The following NDE1 variants were observed in gnomAD, a reference collection of about 807,000 sequenced individuals.
The protein encoded by NDE1 is nudE neurodevelopment protein 1, also known as nuclear distribution protein nudE homolog 1.
NDE1 carries 28 observed loss-of-function variants against 43.4 expected under a neutral mutation model. The ratio of observed to expected loss-of-function variants is 0.65; its 90% CI spans 0.48 to 0.89. The LOEUF (loss-of-function observed/expected upper bound fraction) is 0.89. Ranked by LOEUF, NDE1 falls within the 40% of genes least tolerant of loss-of-function variation. NDE1 has a pLI of 0.00. For synonymous variants in NDE1, 184 were observed against 172.0 expected (o/e 1.07, Z -0.55); for missense variants, 441 against 434.1 (o/e 1.02, Z -0.14).
At chr16:15,719,523 C>G in intron 8 of NDE1, 1 of 1,610,368 alleles carries the variant, frequency 6.2e-7, no homozygotes, top group Non-Finnish European at 8.5e-7. Flanking sequence ...CAGACTGGAG[C>G]TGCCAAGGGG....
chr16:15,708,393 T>G (rs1368243692), intron 8 of NDE1, among the ~76,000 whole-genome samples: 1 of 152,140 alleles, frequency 6.6e-6, no homozygotes, highest in Non-Finnish European at 1.5e-5. Flanking sequence ...AGTGGAACTG[T>G]CATATTCATT....
chr16:15,697,159 C>A, intron 8 of NDE1: 1 of 717,204 alleles, frequency 1.4e-6, no homozygotes, highest in Non-Finnish European at 1.7e-6. Flanking sequence ...CCTCCCACCT[C>A]AGTCCCCCGA....
At chr16:15,697,802 T>G (rs115593014) in intron 8 of NDE1, among the ~76,000 whole-genome samples, 5,196 of 152,136 alleles carry the variant, frequency 0.034, 293 homozygotes, top group African/African-American at 0.11. Flanking sequence ...GAAGTTTTTT[T>G]TTTTGTTTTG....
At chr16:15,674,327 T>C (rs573192260) in intron 3 of NDE1, among the ~76,000 whole-genome samples, 1 of 152,068 alleles carries the variant, frequency 6.6e-6, no homozygotes, top group Non-Finnish European at 1.5e-5. Flanking sequence ...CACTGCAACC[T>C]CCGCCTCCTG....
rs1415126474 is a variant in NDE1, at chr16:15,694,209, C to G, written c.748C>G (p.Arg250Gly). The change falls in exon 7 of 9, where the codon CGG (arginine) becomes GGG (glycine). Residue 250 changes from arginine to glycine, a missense_variant. Physicochemically the swap from Arg to Gly is moderately radical, Grantham distance 125. Coordinates refer to ENST00000396354, the MANE Select transcript of NDE1 (RefSeq NM_017668.3). Reference protein sequence around the residue: ...TGGTPLTPAARISALNIVGDL... With the variant: ...TGGTPLTPAAGISALNIVGDL... ...GGGGACCCCCCTCACACCTGCGGCC[C>G]GGATATCAGCCCTCAACATTGTGGG... 3 of 1,613,458 alleles carry G rather than the reference C, an allele frequency of 1.9e-6. No individual in the cohort carries two copies. The highest frequency in any genetic ancestry group is 1.1e-5 in the South Asian group (1 of 91,042).
chr16:15,715,182 G>T lies in NDE1; in HGVS notation c.948-9009G>T. ...GGGCTACCTGCTCCTTGTACTGCTC[G>T]GCCATCTTGCGCTCGTCCTCCACCT... On this transcript the variant is annotated intron_variant, in intron 8 of 8. Transcript: ENST00000396354. 6.2e-7 allele frequency: 1 copy of T among 1,613,860 alleles called. No individual in the cohort carries two copies. Among genetic ancestry groups the T allele is most frequent in the South Asian group, 1.1e-5 (1 of 91,084 alleles).
In NDE1 at chr16:15,721,056, C is replaced by T. The variant is rs759760029; in HGVS notation, c.948-3135C>T. On this transcript the variant is annotated intron_variant, in intron 8 of 8. Transcript: ENST00000396354. ...GGACTTCTCCAGCTCATGGACCTGC[C>T]GGCAGAGCGGGCAGCCCCATTCTAT... 23 of 1,613,574 alleles carry T rather than the reference C, an allele frequency of 1.4e-5. No homozygotes were observed. Among genetic ancestry groups the T allele is most frequent in the Non-Finnish European group, 1.7e-5 (20 of 1,179,992 alleles).
chr16:15,722,678 A>T (rs1003743888), intron 8 of NDE1, among the ~76,000 whole-genome samples: 2 of 152,192 alleles, frequency 1.3e-5, no homozygotes, highest in Non-Finnish European at 2.9e-5. Context: ...TGACACTAGG[A>T]GGTCAGTCAG....
chr16:15,661,735 C>T (rs1035851590), intron 1 of NDE1, among the ~76,000 whole-genome samples: 2 of 151,746 alleles, frequency 1.3e-5, no homozygotes, highest in African/African-American at 4.8e-5. Flanking sequence ...CGAGGCACTG[C>T]ACCCAGCCAC....
At chr16:15,676,465 G>A (rs1214357317) in intron 3 of NDE1, among the ~76,000 whole-genome samples, 1 of 152,026 alleles carries the variant, frequency 6.6e-6, no homozygotes, top group African/African-American at 2.4e-5. Flanking sequence ...GCCCACCTCA[G>A]CCCTCCAAAG....
chr16:15,681,358 T>C (rs1327638237), intron 4 of NDE1, among the ~76,000 whole-genome samples: 1 of 141,080 alleles, frequency 7.1e-6, no homozygotes, highest in South Asian at 2.4e-4. Flanking sequence ...CTTGACCTCC[T>C]GGGGCAAGTG....
chr16:15,705,555 C>T (rs572550752), intron 8 of NDE1, among the ~76,000 whole-genome samples: 1 of 152,302 alleles, frequency 6.6e-6, no homozygotes, highest in African/African-American at 2.4e-5. Context: ...CCATCTGGCC[C>T]TGTTTGACCT....
chr16:15,696,396 A>T (rs2039015020), intron 7 of NDE1, among the ~76,000 whole-genome samples: 1 of 151,548 alleles, frequency 6.6e-6, no homozygotes, highest in South Asian at 2.1e-4. Context: ...CAAAAAAAAA[A>T]ACTGAGATGG....
At chr16:15,686,027 C>T (rs1416299479) in intron 4 of NDE1, among the ~76,000 whole-genome samples, 2 of 151,482 alleles carry the variant, frequency 1.3e-5, no homozygotes, top group African/African-American at 2.4e-5. Context: ...TCTTGGCTCA[C>T]TGCAACATTC....
chr16:15,683,502 G>A (rs1049122898), intron 4 of NDE1: 4 of 151,818 alleles, frequency 2.6e-5, no homozygotes, highest in African/African-American at 9.7e-5. Flanking sequence ...CCGCTACCAC[G>A]AACCGGCTAA....
At chr16:15,667,258 T>C (rs748075264) in intron 2 of NDE1, 28 bp from the exon 3 acceptor site, 19 of 1,613,264 alleles carry the variant, frequency 1.2e-5, no homozygotes, top group African/African-American at 2.7e-5. Flanking sequence ...AAAATATTAC[T>C]ACGTGATGAT....
intron 8 of NDE1, chr16:15,704,104 A>AAG: frequency 1.2e-6 from 2 of 1,614,150 alleles, no homozygotes; most frequent in Non-Finnish European, 1.7e-6. Context: ...GAAGGAACGA[A>AAG]AGAGGTCTCG....
intron 1 of NDE1, among the ~76,000 whole-genome samples, chr16:15,644,267 T>A (rs1454518225): frequency 6.6e-6 from 1 of 152,176 alleles, no homozygotes; most frequent in Non-Finnish European, 1.5e-5. Flanking sequence ...CGAGAATATT[T>A]TGCCCAAAAA....
chr16:15,699,536 G>A (rs1356169853), intron 8 of NDE1: 6 of 1,183,824 alleles, frequency 5.1e-6, no homozygotes, highest in Admixed American at 3.7e-5. Flanking sequence ...GAGACTGGGC[G>A]TTTTGTGTGA....
Sources: gnomAD v4.1 joint callset for allele counts (sites outside exome capture counted in the v4.1 genomes callset) on GRCh38, gnomAD v4.1.1 for gene constraint, MANE v1.5 for transcripts, NCBI Gene and HGNC (gene_info 2026-07-23, HGNC 2026-07-21) for gene names.